Variants in DHRSX observed in about 807,000 individuals in gnomAD.
DHRSX encodes the protein polyprenol dehydrogenase.
In DHRSX, 31 loss-of-function variants were observed where a neutral mutation model predicts 34.0. The ratio of observed to expected loss-of-function variants is 0.91; its 90% CI spans 0.69 to 1.23. The LOEUF (loss-of-function observed/expected upper bound fraction) is 1.23. DHRSX is among the 50% of genes most tolerant of loss of function. DHRSX has a pLI of 0.00. For synonymous variants in DHRSX, 201 were observed against 183.8 expected (o/e 1.09, Z -0.76); for missense variants, 414 against 428.1 (o/e 0.97, Z 0.29).
At chrX:2,276,944 G>A (rs1336440598) in intron 4 of DHRSX, among the ~76,000 whole-genome samples, 7 of 7,844 alleles carry the variant, frequency 8.9e-4, no homozygotes, top group Non-Finnish European at 1.6e-3. Context: ...GAGGGCAAAC[G>A]AGAGAGGGAG....
rs1285366462 is a variant in DHRSX at position 2,346,652 on chromosome X, T to TG, written c.287-55050_287-55049insC. 1.4e-3 allele frequency among the ~76,000 whole-genome samples: 173 copies of TG among 121,060 alleles called. 2 individuals are homozygous for TG. Among genetic ancestry groups the TG allele is most frequent in the African/African-American group, 5.5e-3 (164 of 29,688 alleles). 79.4% of individuals were successfully genotyped at this position (121,060 alleles called of 152,430 possible). ...GGATGTTGTATGAGTCTGGTTTTTTTTTTGTTGTTGTTGTTTAATACTTTA... is the reference window on the plus strand; with the variant it reads ...GGATGTTGTATGAGTCTGGTTTTTTTGTTTGTTGTTGTTGTTTAATACTTTA... On this transcript the variant is annotated intron_variant, in intron 3 of 6. Transcript: ENST00000334651.
At chrX:2,307,803 T>TA (rs1350589353) in intron 3 of DHRSX, among the ~76,000 whole-genome samples, 1 of 138,108 alleles carries the variant, frequency 7.2e-6, no homozygotes, top group Non-Finnish European at 1.5e-5. Context: ...AAAAATAAAA[T>TA]AAAAAACAAG....
intron 3 of DHRSX, among the ~76,000 whole-genome samples, chrX:2,383,420 CCAT>C (rs1386860017): frequency 1.8e-4 from 28 of 151,974 alleles, no homozygotes; most frequent in African/African-American, 6.5e-4. Flanking sequence ...ATCATCATCA[CCAT>C]CATCACAGTC....
intron 6 of DHRSX, 75 bp downstream of exon 6, chrX:2,242,948 G>C (rs1227625238): frequency 1.4e-6 from 2 of 1,432,680 alleles, no homozygotes; most frequent in Admixed American, 1.9e-5. Flanking sequence ...CCTCCCTTGG[G>C]GTCTGGACTG....
At chrX:2,450,693 T>C (rs970603475) in intron 1 of DHRSX, among the ~76,000 whole-genome samples, 1 of 151,650 alleles carries the variant, frequency 6.6e-6, no homozygotes, top group Non-Finnish European at 1.5e-5. Flanking sequence ...GCAAGGAGGG[T>C]TTCTGTGTCT....
At chrX:2,452,407 CT>C (rs2044235433) in intron 1 of DHRSX, among the ~76,000 whole-genome samples, 1 of 151,944 alleles carries the variant, frequency 6.6e-6, no homozygotes, top group Admixed American at 6.6e-5. Context: ...AGCCAAGGGA[CT>C]GCCACCGTGT....
At chrX:2,487,026 G>A (rs965771842) in intron 1 of DHRSX, 67 of 152,140 alleles carry the variant, frequency 4.4e-4, no homozygotes, top group Admixed American at 4.1e-3. Context: ...TTGTCTTCAC[G>A]GAGGCAGAGA....
At chrX:2,245,647 T>C (rs2016260316) in intron 5 of DHRSX, among the ~76,000 whole-genome samples, 1 of 148,902 alleles carries the variant, frequency 6.7e-6, no homozygotes, top group Admixed American at 6.8e-5. Context: ...ATGTCTCCTG[T>C]CTCCCTAAAA....
intron 3 of DHRSX, among the ~76,000 whole-genome samples, chrX:2,396,736 T>C (rs1041327334): frequency 5.3e-5 from 8 of 150,622 alleles, no homozygotes; most frequent in African/African-American, 1.7e-4. Flanking sequence ...CTCCAGTCTC[T>C]GTCTCCACAT....
intron 3 of DHRSX, chrX:2,338,040 T>C (rs1167284027): frequency 1.4e-5 from 2 of 138,790 alleles, no homozygotes; most frequent in Non-Finnish European, 3.1e-5. Flanking sequence ...CATTTAGAAA[T>C]AACAATCCCA....
chrX:2,282,463 A>T (rs1446071554), intron 4 of DHRSX, among the ~76,000 whole-genome samples: 1 of 148,242 alleles, frequency 6.7e-6, no homozygotes, highest in African/African-American at 2.5e-5. Flanking sequence ...GGGAAGGAGG[A>T]AAGAGAGAGA....
At chrX:2,265,513 C>T (rs2041442383) in intron 5 of DHRSX, among the ~76,000 whole-genome samples, 1 of 133,240 alleles carries the variant, frequency 7.5e-6, no homozygotes, top group African/African-American at 2.9e-5. Flanking sequence ...CCCCAGAGCA[C>T]CAGTGTCCAG....
At chrX:2,500,760 G>A (rs2045407405) in intron 1 of DHRSX, 57 bp downstream of exon 1, 2 of 788,614 alleles carry the variant, frequency 2.5e-6, no homozygotes, top group Non-Finnish European at 1.5e-6. Context: ...CCGCCCCCGA[G>A]CCAGCCCGCG....
intron 6 of DHRSX, among the ~76,000 whole-genome samples, chrX:2,229,597 T>C (rs1334958877): frequency 6.6e-6 from 1 of 152,070 alleles, no homozygotes; most frequent in Non-Finnish European, 1.5e-5. Context: ...TAGGTACGCA[T>C]TTATGTGGAT....
At chrX:2,454,797 G>A (rs1233769878) in intron 1 of DHRSX, among the ~76,000 whole-genome samples, 1 of 152,044 alleles carries the variant, frequency 6.6e-6, no homozygotes, top group South Asian at 2.1e-4. Context: ...TATACACTAT[G>A]GAATACTATG....
rs190287695 is a variant in DHRSX, at chrX:2,455,876, G to A, written c.110-30572C>T. Among the ~76,000 whole-genome samples, 4 of 151,950 alleles carry A rather than the reference G, an allele frequency of 2.6e-5. No individual in the cohort carries two copies. The East Asian group carries it at 7.7e-4, about 29-fold the overall frequency. ...TCTTAGGAAATCAGGGATTTCCAGAGGCAGGACTTCACGACACCAACGTTG... is the reference window on the plus strand; with the variant it reads ...TCTTAGGAAATCAGGGATTTCCAGAAGCAGGACTTCACGACACCAACGTTG... On this transcript the variant is annotated intron_variant, in intron 1 of 6. Coordinates refer to ENST00000334651, the MANE Select transcript of DHRSX (RefSeq NM_145177.3).
intron 1 of DHRSX, among the ~76,000 whole-genome samples, chrX:2,479,203 C>T (rs1459954121): frequency 7.0e-6 from 1 of 143,650 alleles, no homozygotes; most frequent in Admixed American, 6.9e-5. Context: ...CCAAGGGACT[C>T]CCACCCTGTG....
chrX:2,316,421 G>A (rs1467958946), intron 3 of DHRSX, among the ~76,000 whole-genome samples: 2 of 152,108 alleles, frequency 1.3e-5, no homozygotes, highest in African/African-American at 4.8e-5. Flanking sequence ...GCATGGTAGT[G>A]GGCGCCTGTA....
At chrX:2,387,814 G>A (rs1408217912) in intron 3 of DHRSX, among the ~76,000 whole-genome samples, 1 of 148,928 alleles carries the variant, frequency 6.7e-6, no homozygotes, top group Non-Finnish European at 1.5e-5. Flanking sequence ...CAGCTCCAGA[G>A]TGTGCATGGA....
Sources: gnomAD v4.1 joint callset for allele counts (sites outside exome capture counted in the v4.1 genomes callset) on GRCh38, gnomAD v4.1.1 for gene constraint, MANE v1.5 for transcripts, NCBI Gene and HGNC (gene_info 2026-07-23, HGNC 2026-07-21) for gene names.